COMMD10: variants seen among roughly 807,000 people sequenced by gnomAD.
COMMD10 encodes the protein COMM domain containing 10.
In COMMD10, 33 loss-of-function variants were observed where a neutral mutation model predicts 28.9. The ratio of observed to expected loss-of-function variants is 1.14; its 90% CI spans 0.87 to 1.53. COMMD10 has a LOEUF of 1.53. Ranked by LOEUF, COMMD10 falls within the 40% of genes most tolerant of loss-of-function variation. The probability of loss-of-function intolerance (pLI) is 0.00; values close to 1 mark genes in which losing one functional copy is unlikely to be tolerated. For synonymous variants in COMMD10, 110 were observed against 81.7 expected, an observed-to-expected ratio of 1.35 and a Z score of -1.87; for missense variants, 310 against 233.4, an observed-to-expected ratio of 1.33 and a Z score of -2.14.
chr5:116,256,674 A>G (rs558105696), intron 5 of COMMD10, among the ~76,000 whole-genome samples: 1 of 151,746 alleles, frequency 6.6e-6, no homozygotes, highest in African/African-American at 2.4e-5. Context: ...ACGTAATGAG[A>G]TATGTTGGGA....
intron 5 of COMMD10, among the ~76,000 whole-genome samples, chr5:116,237,207 G>T (rs920233326): frequency 1.3e-5 from 2 of 152,080 alleles, no homozygotes; most frequent in Admixed American, 6.6e-5. Flanking sequence ...TGGCTCAAGT[G>T]AATTGAGTGA....
At chr5:116,202,850 G>A (rs916266298) in intron 5 of COMMD10, among the ~76,000 whole-genome samples, 3 of 151,950 alleles carry the variant, frequency 2.0e-5, no homozygotes, top group African/African-American at 4.8e-5. Context: ...TGTTCACTCC[G>A]ATGGTAGTTT....
rs565191726 is a variant in COMMD10 at position 116,283,283 on chromosome 5, T to C, written c.511-8234T>C. Among the ~76,000 whole-genome samples, 29 of 151,968 alleles carry C rather than the reference T, an allele frequency of 1.9e-4. No individual in the cohort carries two copies. The East Asian group carries it at 5.0e-3, about 26-fold the overall frequency. On this transcript the variant is annotated intron_variant, in intron 5 of 6. Transcript: ENST00000274458. The stretch of plus-strand genomic sequence containing the variant: ...CTTCATCTTTATGTTTTAAAACTTA[T>C]TCATTTGTATGGAAGGGTGTGTATG...
rs149188349 is a variant in COMMD10 at position 116,174,304 on chromosome 5, T to C, written c.510+40126T>C. On this transcript the variant is annotated intron_variant, in intron 5 of 6. Transcript: ENST00000274458. ...GCCAGTGTGGCAGGAGTAGAGTATGTGGGAAGAGAGGTTCAGATGATAAGG... is the reference window on the plus strand; with the variant it reads ...GCCAGTGTGGCAGGAGTAGAGTATGCGGGAAGAGAGGTTCAGATGATAAGG... Among the ~76,000 whole-genome samples, 10 of 152,174 alleles carry C rather than the reference T, an allele frequency of 6.6e-5. 1 individual carries two copies. The highest frequency in any genetic ancestry group is 2.4e-4 in the African/African-American group (10 of 41,526).
chr5:116,271,360 A>G (rs987263534), intron 5 of COMMD10, among the ~76,000 whole-genome samples: 1 of 148,596 alleles, frequency 6.7e-6, no homozygotes, highest in Non-Finnish European at 1.5e-5. Context: ...TAAAATTCCT[A>G]TATCTTTATA....
intron 4 of COMMD10, among the ~76,000 whole-genome samples, chr5:116,120,458 C>G (rs1259169996): frequency 1.3e-5 from 2 of 151,880 alleles, no homozygotes; most frequent in African/African-American, 2.4e-5. Context: ...ACAGAACTTA[C>G]CCATGTAAGC....
chr5:116,216,659 G>A (rs1580556246), intron 5 of COMMD10, among the ~76,000 whole-genome samples: 1 of 152,040 alleles, frequency 6.6e-6, no homozygotes, highest in Admixed American at 6.6e-5. Flanking sequence ...TCAGCCTCCC[G>A]AGTAGCTGGG....
intron 5 of COMMD10, among the ~76,000 whole-genome samples, chr5:116,191,071 G>A (rs902828456): frequency 2.0e-5 from 3 of 152,070 alleles, no homozygotes; most frequent in African/African-American, 7.2e-5. Flanking sequence ...ATGAAAATAC[G>A]AGTTTATGGA....
chr5:116,259,565 T>C (rs904975579), intron 5 of COMMD10, among the ~76,000 whole-genome samples: 3 of 151,716 alleles, frequency 2.0e-5, no homozygotes, highest in Admixed American at 6.6e-5. Context: ...TGTTGAATAG[T>C]TGAGAGCCTA....
intron 5 of COMMD10, among the ~76,000 whole-genome samples, chr5:116,158,759 G>A (rs780990002): frequency 4.0e-5 from 6 of 151,640 alleles, no homozygotes; most frequent in Non-Finnish European, 5.9e-5. Flanking sequence ...TTGTAGTTTT[G>A]ACTTTCATTA....
chr5:116,224,444 G>T (rs964499325), intron 5 of COMMD10, among the ~76,000 whole-genome samples: 5 of 152,182 alleles, frequency 3.3e-5, no homozygotes, highest in African/African-American at 1.2e-4. Context: ...TCTGCAGACT[G>T]TACAGGAAGT....
intron 5 of COMMD10, among the ~76,000 whole-genome samples, chr5:116,272,674 C>T (rs2112698830): frequency 6.6e-6 from 1 of 151,910 alleles, no homozygotes; most frequent in East Asian, 1.9e-4. Flanking sequence ...AGAAATGCTT[C>T]GGAATCTTTA....
At position 116,276,536 on chromosome 5, in the gene COMMD10, G is replaced by T. The variant is rs546667563; in HGVS notation, c.511-14981G>T. 8.6e-5 allele frequency among the ~76,000 whole-genome samples: 13 copies of T among 151,636 alleles called. No homozygotes were observed. The South Asian group carries it at 2.7e-3, about 31-fold the overall frequency. Reference sequence around the variant, plus strand: ...CAGGCATGAGCCACCATGCCCAGCCGTATCTTCTTAATTGTCAAAGGAAAA... The same window carrying T: ...CAGGCATGAGCCACCATGCCCAGCCTTATCTTCTTAATTGTCAAAGGAAAA... On this transcript the variant is annotated intron_variant, in intron 5 of 6. Transcript: ENST00000274458.
intron 5 of COMMD10, among the ~76,000 whole-genome samples, chr5:116,194,818 G>A (rs1487405478): frequency 6.6e-6 from 1 of 152,080 alleles, no homozygotes; most frequent in Non-Finnish European, 1.5e-5. Flanking sequence ...ATTATGTGAA[G>A]CTAGCATTAC....
intron 5 of COMMD10, among the ~76,000 whole-genome samples, chr5:116,280,880 C>G (rs1045204820): frequency 2.0e-5 from 3 of 151,832 alleles, no homozygotes; most frequent in Non-Finnish European, 4.4e-5. Context: ...TTTATAAACT[C>G]ATTCAGTAAG....
At chr5:116,115,840 A>T (rs1751216347) in intron 4 of COMMD10, among the ~76,000 whole-genome samples, 1 of 152,182 alleles carries the variant, frequency 6.6e-6, no homozygotes, top group African/African-American at 2.4e-5. Flanking sequence ...TTTTACAAAT[A>T]AGATTATGAG....
intron 4 of COMMD10, among the ~76,000 whole-genome samples, chr5:116,129,260 T>G (rs911925491): frequency 6.6e-6 from 1 of 150,648 alleles, no homozygotes; most frequent in African/African-American, 2.4e-5. Context: ...GTTTTACGTT[T>G]TTAATCTGTA....
intron 5 of COMMD10, among the ~76,000 whole-genome samples, chr5:116,284,525 CTA>C (rs1052422679): frequency 6.6e-6 from 1 of 151,790 alleles, no homozygotes; most frequent in Admixed American, 6.6e-5. Flanking sequence ...ATTATCCAGA[CTA>C]TCTTTCTGAC....
intron 5 of COMMD10, among the ~76,000 whole-genome samples, chr5:116,167,382 A>G (rs1753159546): frequency 6.6e-6 from 1 of 152,158 alleles, no homozygotes; most frequent in Non-Finnish European, 1.5e-5. Context: ...GTGTACCTGA[A>G]AGTGATGGGG....
Sources: gnomAD v4.1 joint callset for allele counts (sites outside exome capture counted in the v4.1 genomes callset) on GRCh38, gnomAD v4.1.1 for gene constraint, MANE v1.5 for transcripts, NCBI Gene and HGNC (gene_info 2026-07-23, HGNC 2026-07-21) for gene names.